The following GLI2 variants were observed in gnomAD, a reference collection of about 807,000 sequenced individuals.
The protein encoded by GLI2 is transcription activator GLI2.
Under a neutral mutation model 78.9 loss-of-function variants are expected in GLI2, and 22 were observed. The observed-to-expected ratio is 0.28, with a 90% CI of 0.20 to 0.40. GLI2 has a LOEUF of 0.40. GLI2 is among the 10% of genes least tolerant of loss of function. The probability of loss-of-function intolerance (pLI) is 1.00; values close to 1 mark genes in which losing one functional copy is unlikely to be tolerated. For missense variants in GLI2, 2,097 were observed against 2,213.2 expected (o/e 0.95, Z 1.05); for synonymous variants, 974 against 963.7 (o/e 1.01, Z -0.20).
chr2:120,764,460 C>T (rs186096011), intron 1 of GLI2, among the ~76,000 whole-genome samples: 21 of 152,312 alleles, frequency 1.4e-4, no homozygotes, highest in Non-Finnish European at 2.5e-4. Flanking sequence ...GGATTACTTC[C>T]AGGTTTGCCT....
intron 1 of GLI2, among the ~76,000 whole-genome samples, chr2:120,778,016 C>T (rs2104666465): frequency 6.6e-6 from 1 of 152,218 alleles, no homozygotes; most frequent in East Asian, 1.9e-4. Context: ...TTGGTGGCAT[C>T]AAACACGGGG....
intron 2 of GLI2, among the ~76,000 whole-genome samples, chr2:120,802,575 T>G (rs542995725): frequency 2.0e-5 from 3 of 152,354 alleles, no homozygotes; most frequent in East Asian, 1.9e-4. Flanking sequence ...CAAATGCTGT[T>G]GTATTTTCCT....
In GLI2 at chr2:120,894,373, C is replaced by T. The variant is rs1677835363; in HGVS notation, c.149-32988C>T. On this transcript the variant is annotated intron_variant, in intron 2 of 13. Coordinates refer to ENST00000361492, the MANE Select transcript of GLI2 (RefSeq NM_001374353.1). ...TGATAGCTGCCTGGGACCGGCGTGG[C>T]TCCGCTGACTCAGGCTGGGTTTCAG... Among the ~76,000 whole-genome samples the T allele has an allele frequency of 3.9e-5, 6 of 152,358 alleles. No individual in the cohort carries two copies. In the South Asian group the frequency reaches 1.2e-3, roughly 32 times the overall value.
chr2:120,773,261 C>T (rs963865072), intron 1 of GLI2, among the ~76,000 whole-genome samples: 1 of 152,110 alleles, frequency 6.6e-6, no homozygotes, highest in African/African-American at 2.4e-5. Context: ...AGTCTTAGAG[C>T]GTAGGCCTGT....
chr2:120,849,257 A>G (rs1261099737), intron 2 of GLI2, among the ~76,000 whole-genome samples: 1 of 152,220 alleles, frequency 6.6e-6, no homozygotes, highest in African/African-American at 2.4e-5. Flanking sequence ...AAGATTCACA[A>G]CAATGTGAAT....
intron 5 of GLI2, among the ~76,000 whole-genome samples, chr2:120,958,394 A>G (rs375259111): frequency 3.9e-5 from 6 of 152,118 alleles, no homozygotes; most frequent in Non-Finnish European, 7.4e-5. Context: ...CCCAGGCCCC[A>G]GGTTCTCCCA....
At chr2:120,825,469 A>G (rs1686006600) in intron 2 of GLI2, among the ~76,000 whole-genome samples, 1 of 135,688 alleles carries the variant, frequency 7.4e-6, no homozygotes, top group African/African-American at 3.5e-5. Flanking sequence ...CCTGGCTGTG[A>G]GTGTGCATCT....
chr2:120,842,265 T>G (rs970891891), intron 2 of GLI2, among the ~76,000 whole-genome samples: 1 of 152,090 alleles, frequency 6.6e-6, no homozygotes, highest in Non-Finnish European at 1.5e-5. Context: ...AATAAAACAT[T>G]ATTTGTTTAT....
At chr2:120,891,839 C>G (rs1026585581) in intron 2 of GLI2, among the ~76,000 whole-genome samples, 1 of 152,232 alleles carries the variant, frequency 6.6e-6, no homozygotes, top group African/African-American at 2.4e-5. Flanking sequence ...CCAGGCTGTC[C>G]TCATTTACTC....
At chr2:120,913,001 A>C (rs1440915335) in intron 2 of GLI2, among the ~76,000 whole-genome samples, 21 of 152,118 alleles carry the variant, frequency 1.4e-4, no homozygotes, top group Non-Finnish European at 1.0e-4. Context: ...AAATGAATGG[A>C]AGGGAGGGAG....
chr2:120,742,251 C>T (rs1048427062), intron 1 of GLI2, among the ~76,000 whole-genome samples: 1 of 152,210 alleles, frequency 6.6e-6, no homozygotes, highest in Non-Finnish European at 1.5e-5. Flanking sequence ...TTCGTCTTGA[C>T]CTGTAGGGAT....
chr2:120,765,540 C>T (rs1558785498), intron 1 of GLI2, among the ~76,000 whole-genome samples: 1 of 152,224 alleles, frequency 6.6e-6, no homozygotes, highest in Non-Finnish European at 1.5e-5. Flanking sequence ...GCTGACTGGG[C>T]AGGGACCTGG....
At chr2:120,799,448 G>A (rs1358509381) in intron 2 of GLI2, among the ~76,000 whole-genome samples, 2 of 152,180 alleles carry the variant, frequency 1.3e-5, no homozygotes, top group Admixed American at 6.5e-5. Context: ...GAGGACCCCA[G>A]AGCCTCCTCA....
intron 1 of GLI2, among the ~76,000 whole-genome samples, chr2:120,766,087 C>T (rs976850999): frequency 6.6e-6 from 1 of 152,320 alleles, no homozygotes; most frequent in Non-Finnish European, 1.5e-5. Context: ...TGTTTCCTTG[C>T]ATCACGATGG....
intron 1 of GLI2, among the ~76,000 whole-genome samples, chr2:120,775,178 T>C (rs1461678016): frequency 6.6e-6 from 1 of 152,148 alleles, no homozygotes; most frequent in Non-Finnish European, 1.5e-5. Context: ...ATTTAAGCTT[T>C]GTGTAGATAT....
chr2:120,985,120 GTCCAC>G (rs1166580095), intron 12 of GLI2, among the ~76,000 whole-genome samples: 1 of 152,140 alleles, frequency 6.6e-6, no homozygotes, highest in Non-Finnish European at 1.5e-5. Flanking sequence ...CCCCTCTGGC[GTCCAC>G]TCCTTTTGTT....
At chr2:120,827,107 C>T (rs1395272667) in intron 2 of GLI2, among the ~76,000 whole-genome samples, 3 of 152,294 alleles carry the variant, frequency 2.0e-5, no homozygotes, top group East Asian at 1.9e-4. Flanking sequence ...AATCCGTGAC[C>T]GGATGAGTGC....
chr2:120,971,227 G>C (rs1226212875), intron 7 of GLI2, among the ~76,000 whole-genome samples: 1 of 152,204 alleles, frequency 6.6e-6, no homozygotes, highest in Non-Finnish European at 1.5e-5. Context: ...CTGATGCCTA[G>C]GTGGGGTCAC....
intron 2 of GLI2, among the ~76,000 whole-genome samples, chr2:120,806,546 C>T (rs979953763): frequency 2.6e-5 from 4 of 152,094 alleles, no homozygotes; most frequent in Non-Finnish European, 5.9e-5. Context: ...CAGAGTGGCC[C>T]CCTGGGAGTG....
Sources: allele counts gnomAD v4.1 joint callset (sites outside exome capture counted in the v4.1 genomes callset), GRCh38; gene constraint gnomAD v4.1.1; transcripts MANE v1.5; gene names NCBI Gene and HGNC (gene_info 2026-07-23, HGNC 2026-07-21).